Variants in UBQLN1 observed in about 807,000 individuals in gnomAD.
The protein encoded by UBQLN1 is ubiquilin 1.
In UBQLN1, 13 loss-of-function variants were observed where a neutral mutation model predicts 65.4. The observed-to-expected ratio is 0.20, with a 90% CI of 0.13 to 0.32. The LOEUF (loss-of-function observed/expected upper bound fraction) is 0.32. Ranked by LOEUF, UBQLN1 falls within the 10% of genes least tolerant of loss-of-function variation. The pLI is 1.00. For synonymous variants in UBQLN1, 267 were observed against 247.8 expected (o/e 1.08, Z -0.73); for missense variants, 561 against 724.0 (o/e 0.77, Z 2.58).
chr9:83,670,539 C>T (rs910838517), intron 6 of UBQLN1, among the ~76,000 whole-genome samples: 5 of 151,776 alleles, frequency 3.3e-5, no homozygotes, highest in African/African-American at 9.7e-5. Flanking sequence ...CCACAGCCTT[C>T]GGTCTAAAAA....
intron 10 of UBQLN1, among the ~76,000 whole-genome samples, chr9:83,662,251 T>C (rs1352341265): frequency 7.0e-6 from 1 of 143,332 alleles, no homozygotes; most frequent in Admixed American, 7.2e-5. Flanking sequence ...CCTGTATGTG[T>C]GTGTGTATAT....
chr9:83,675,146 T>C (rs1261932098), intron 6 of UBQLN1, among the ~76,000 whole-genome samples: 1 of 152,166 alleles, frequency 6.6e-6, no homozygotes, highest in African/African-American at 2.4e-5. Flanking sequence ...AATAACTCAA[T>C]ATTCTGACAT....
chr9:83,707,939 G>A lies in UBQLN1; in HGVS notation c.-260C>T, dbSNP rs772312218. 74 of 506,774 alleles carry A rather than the reference G, an allele frequency of 1.5e-4. No individual in the cohort carries two copies. Among genetic ancestry groups the A allele is most frequent in the Non-Finnish European group, 2.4e-4 (71 of 294,468 alleles). 31.4% of individuals were successfully genotyped at this position (506,774 alleles called of 1,614,324 possible). A position where few individuals can be genotyped will look rare whatever the true frequency, so the allele number is the denominator to read the frequency against. On this transcript the variant is annotated 5_prime_UTR_variant, in exon 1 of 11. Coordinates refer to ENST00000376395, the MANE Select transcript of UBQLN1 (RefSeq NM_013438.5). ...CTCGCTCACACCGACATCCGCAGCA[G>A]CCACCGCTTCCTCCTCCCTGCCCCT...
At chr9:83,678,864 C>A (rs1336072546) in intron 4 of UBQLN1, among the ~76,000 whole-genome samples, 1 of 152,156 alleles carries the variant, frequency 6.6e-6, no homozygotes, top group Non-Finnish European at 1.5e-5. Context: ...ACTACAGGCG[C>A]CCGCCACCAC....
At chr9:83,701,243 T>C (rs1302048448) in intron 1 of UBQLN1, among the ~76,000 whole-genome samples, 1 of 151,988 alleles carries the variant, frequency 6.6e-6, no homozygotes. Flanking sequence ...AAAAATAACA[T>C]CCTTATGAAA....
intron 6 of UBQLN1, among the ~76,000 whole-genome samples, chr9:83,673,546 T>TAAAAAAAAAAAAAAA (rs762494390): frequency 1.3e-5 from 1 of 75,570 alleles, no homozygotes; most frequent in Admixed American, 1.9e-4. Flanking sequence ...CTCGGTCTTT[T>TAAAAAAAAAAAAAAA]AAAAAAAAAA....
At position 83,677,908 on chromosome 9, in the gene UBQLN1, A is replaced by ACCTT. The variant is rs1470965362; in HGVS notation, c.920_923dup (p.Ser309ArgfsTer2). On this transcript the variant is annotated frameshift_variant, in exon 6 of 11. Coordinates refer to ENST00000376395, the MANE Select transcript of UBQLN1 (RefSeq NM_013438.5). LOFTEE classifies it high-confidence loss of function. ...TATTTTCTGTACGGGAAGGTTGACT[A>ACCTT]CCTTCACCAGAGGATGTATTGCTCA... The ACCTT allele has an allele frequency of 6.2e-7, 1 of 1,614,092 alleles. No homozygotes were observed. The highest frequency in any genetic ancestry group is 8.5e-7 in the Non-Finnish European group (1 of 1,180,046).
chr9:83,668,990 G>C (rs895102404), intron 7 of UBQLN1, 195 bp downstream of exon 7: 6 of 560,266 alleles, frequency 1.1e-5, no homozygotes, highest in African/African-American at 2.0e-5. Flanking sequence ...CAGAGATAAA[G>C]TTGTTTTAAT....
chr9:83,682,020 C>T (rs549559933), intron 3 of UBQLN1, among the ~76,000 whole-genome samples: 180 of 152,222 alleles, frequency 1.2e-3, no homozygotes, highest in South Asian at 7.5e-3. Flanking sequence ...CTGAGTTTGG[C>T]TATCTATTAT....
intron 1 of UBQLN1, 78 bp downstream of exon 1, chr9:83,707,422 T>G: frequency 6.8e-7 from 1 of 1,462,464 alleles, no homozygotes; most frequent in Non-Finnish European, 9.1e-7. Flanking sequence ...TCCCAGGCCC[T>G]TCCAAAAGGT....
At chr9:83,691,046 G>A (rs138383470) in intron 1 of UBQLN1, among the ~76,000 whole-genome samples, 21,174 of 151,808 alleles carry the variant, frequency 0.14, 1,731 homozygotes, top group Middle Eastern at 0.26. Context: ...GCTAAGGCAC[G>A]AGAATCACTT....
chr9:83,665,044 C>T lies in UBQLN1; in HGVS notation c.1434G>A (p.Pro478=), dbSNP rs534640908. The T allele has an allele frequency of 1.0e-4, 164 of 1,613,128 alleles. No homozygotes were observed. The South Asian group carries it at 1.5e-3, about 14-fold the overall frequency. Residue 478 remains proline (P), a synonymous_variant, in exon 9 of 11, where the codon CCG becomes CCA. Coordinates refer to ENST00000376395, the MANE Select transcript of UBQLN1 (RefSeq NM_013438.5). ...QGLQTLATEA[P]GLIPGFTPGL... ...AATAAGCCTACCCTGGGATGAGGCC[C>T]GGGGCTTCCGTTGCTAATGTCTGTA...
At chr9:83,669,812 C>T (rs1438687236) in intron 6 of UBQLN1, among the ~76,000 whole-genome samples, 1 of 152,196 alleles carries the variant, frequency 6.6e-6, no homozygotes, top group African/African-American at 2.4e-5. Context: ...CTGCCACTCA[C>T]TGAGTAAAAT....
chr9:83,696,485 GA>G (rs2131182397), intron 1 of UBQLN1, among the ~76,000 whole-genome samples: 2 of 151,960 alleles, frequency 1.3e-5, no homozygotes, highest in South Asian at 4.2e-4. Context: ...AACCCAATAA[GA>G]AAAATAGCTG....
At chr9:83,697,733 C>CTT (rs35319221) in intron 1 of UBQLN1, among the ~76,000 whole-genome samples, 11,779 of 98,270 alleles carry the variant, frequency 0.12, 990 homozygotes, top group Middle Eastern at 0.19. Flanking sequence ...TTTTTGTACC[C>CTT]TTTTTTTTTT....
At chr9:83,662,273 TACACACACACACACACAC>T (rs370539805) in intron 10 of UBQLN1, among the ~76,000 whole-genome samples, 2,306 of 143,428 alleles carry the variant, frequency 0.016, 22 homozygotes, top group South Asian at 0.033. Flanking sequence ...CATATACATA[TACACACACACACACACAC>T]ACACACACAC....
chr9:83,666,539 G>T, intron 7 of UBQLN1, 106 bp from the exon 8 acceptor site: 1 of 1,002,500 alleles, frequency 1.0e-6, no homozygotes, highest in Non-Finnish European at 1.5e-6. Flanking sequence ...CACTTAAAAG[G>T]GAGGAAGGTA....
intron 6 of UBQLN1, among the ~76,000 whole-genome samples, chr9:83,670,279 C>A (rs1831708899): frequency 1.3e-5 from 2 of 152,008 alleles, no homozygotes; most frequent in South Asian, 4.2e-4. Flanking sequence ...TTATATCAGG[C>A]TTAAGACATC....
intron 1 of UBQLN1, among the ~76,000 whole-genome samples, chr9:83,697,683 G>A (rs949809732): frequency 3.4e-5 from 5 of 148,804 alleles, no homozygotes; most frequent in African/African-American, 9.9e-5. Flanking sequence ...AGCTTCCCAA[G>A]TAGCTGGGAC....
Sources: allele counts gnomAD v4.1 joint callset (sites outside exome capture counted in the v4.1 genomes callset), GRCh38; gene constraint gnomAD v4.1.1; transcripts MANE v1.5; gene names NCBI Gene and HGNC (gene_info 2026-07-23, HGNC 2026-07-21).